MAPK10: variants seen among roughly 807,000 people sequenced by gnomAD.
MAPK10 encodes the protein JNK3 alpha protein kinase.
In MAPK10, 25 loss-of-function variants were observed where a neutral mutation model predicts 59.3. The ratio of observed to expected loss-of-function variants is 0.42; its 90% CI spans 0.31 to 0.59. MAPK10 has a LOEUF of 0.59. Among genes scored for constraint, MAPK10 ranks in the 20% least tolerant of loss-of-function variants. The pLI is 0.15. For missense variants in MAPK10, 351 were observed against 568.9 expected (o/e 0.62, Z 3.90); for synonymous variants, 190 against 200.5 (o/e 0.95, Z 0.44).
intron 4 of MAPK10, among the ~76,000 whole-genome samples, chr4:86,137,328 A>C (rs1358686856): frequency 2.0e-5 from 3 of 150,162 alleles, no homozygotes; most frequent in African/African-American, 7.5e-5. Context: ...AATTATAACA[A>C]ACTATCTCTC....
chr4:86,105,986 G>C (rs1470075615), intron 5 of MAPK10, among the ~76,000 whole-genome samples: 1 of 152,046 alleles, frequency 6.6e-6, no homozygotes, highest in Non-Finnish European at 1.5e-5. Flanking sequence ...CTGTCTTATT[G>C]TGGATCGCCT....
chr4:86,180,363 G>A (rs1404474813), intron 3 of MAPK10, among the ~76,000 whole-genome samples: 2 of 151,680 alleles, frequency 1.3e-5, no homozygotes, highest in Non-Finnish European at 2.9e-5. Context: ...AGAAAAGGAA[G>A]CTCTTATACA....
intron 1 of MAPK10, among the ~76,000 whole-genome samples, chr4:86,551,283 G>A (rs1336955908): frequency 1.3e-5 from 2 of 152,192 alleles, no homozygotes; most frequent in Non-Finnish European, 2.9e-5. Flanking sequence ...GCTGAATGCA[G>A]TAATGTCAAG....
chr4:86,427,534 A>G (rs1483020310), intron 1 of MAPK10, among the ~76,000 whole-genome samples: 2 of 152,184 alleles, frequency 1.3e-5, no homozygotes, highest in African/African-American at 4.8e-5. Flanking sequence ...CATAGGACCT[A>G]AGTTCTATCC....
At chr4:86,478,823 G>A (rs1753336209) in intron 1 of MAPK10, among the ~76,000 whole-genome samples, 1 of 152,150 alleles carries the variant, frequency 6.6e-6, no homozygotes, top group African/African-American at 2.4e-5. Context: ...GCAAAGGCAG[G>A]CCATGCTATA....
At chr4:86,155,050 G>A (rs766967193) in intron 4 of MAPK10, among the ~76,000 whole-genome samples, 35 of 152,086 alleles carry the variant, frequency 2.3e-4, no homozygotes, top group Admixed American at 1.7e-3. Flanking sequence ...GTGGATGGAT[G>A]TTATTAGTTC....
chr4:86,531,974 A>C (rs945972693), intron 1 of MAPK10, among the ~76,000 whole-genome samples: 4 of 151,832 alleles, frequency 2.6e-5, no homozygotes, highest in African/African-American at 9.7e-5. Flanking sequence ...GGATTGCTTG[A>C]GACCAGGAGT....
chr4:86,462,565 C>T (rs543858351), intron 1 of MAPK10, among the ~76,000 whole-genome samples: 1 of 152,246 alleles, frequency 6.6e-6, no homozygotes, highest in East Asian at 1.9e-4. Flanking sequence ...CTCTACAGCA[C>T]CAGCCGTCCA....
intron 1 of MAPK10, among the ~76,000 whole-genome samples, chr4:86,429,405 T>C (rs1377717150): frequency 1.3e-5 from 2 of 152,106 alleles, no homozygotes; most frequent in Admixed American, 6.6e-5. Flanking sequence ...CTAATATTAT[T>C]AAAAAAGATT....
At chr4:86,061,630 T>C (rs1438252506) in intron 11 of MAPK10, among the ~76,000 whole-genome samples, 1 of 152,186 alleles carries the variant, frequency 6.6e-6, no homozygotes, top group Non-Finnish European at 1.5e-5. Flanking sequence ...AACTAATAGC[T>C]TAGCACACAT....
chr4:86,339,658 A>C (rs539117150), intron 2 of MAPK10, among the ~76,000 whole-genome samples: 2 of 152,244 alleles, frequency 1.3e-5, no homozygotes, highest in East Asian at 3.9e-4. Context: ...ATGTTGCTTA[A>C]CTTCTCTGTG....
At chr4:86,421,990 C>T (rs533288980) in intron 1 of MAPK10, among the ~76,000 whole-genome samples, 12 of 152,290 alleles carry the variant, frequency 7.9e-5, no homozygotes, top group African/African-American at 2.4e-4. Flanking sequence ...AGGCCTTTCA[C>T]GTGATTTCCC....
intron 1 of MAPK10, among the ~76,000 whole-genome samples, chr4:86,512,967 AC>A (rs986047745): frequency 2.6e-4 from 39 of 152,288 alleles, no homozygotes; most frequent in Middle Eastern, 6.8e-3. Context: ...CTTAATGCCC[AC>A]CTTTTTCACT....
chr4:86,194,096 A>G, intron 3 of MAPK10: 1 of 482,502 alleles, frequency 2.1e-6, no homozygotes, highest in Non-Finnish European at 3.7e-6. Context: ...AACCTTTCCC[A>G]GTGAGATGAA....
At chr4:86,200,883 T>A (rs977722056) in intron 2 of MAPK10, among the ~76,000 whole-genome samples, 7 of 151,892 alleles carry the variant, frequency 4.6e-5, no homozygotes, top group Non-Finnish European at 1.0e-4. Context: ...CTTTTAGTTA[T>A]TTTAAAATAT....
intron 1 of MAPK10, among the ~76,000 whole-genome samples, chr4:86,486,024 C>A (rs1393410337): frequency 6.6e-6 from 1 of 152,186 alleles, no homozygotes; most frequent in Non-Finnish European, 1.5e-5. Context: ...CCCAGGCCAA[C>A]TAATATGGTA....
At chr4:86,580,200 C>A (rs758092246) in intron 1 of MAPK10, among the ~76,000 whole-genome samples, 8 of 152,076 alleles carry the variant, frequency 5.3e-5, no homozygotes, top group Non-Finnish European at 8.8e-5. Context: ...AGACTAAATA[C>A]CCTTTGTATA....
At chr4:86,212,139 A>G (rs76517977) in intron 2 of MAPK10, among the ~76,000 whole-genome samples, 12,907 of 152,120 alleles carry the variant, frequency 0.085, 1,215 homozygotes, top group African/African-American at 0.23. Flanking sequence ...CTATCAAAAG[A>G]CAGATGGGCA....
At chr4:86,547,052 AAAAC>A (rs1759247258) in intron 1 of MAPK10, among the ~76,000 whole-genome samples, 1 of 152,324 alleles carries the variant, frequency 6.6e-6, no homozygotes, top group African/African-American at 2.4e-5. Flanking sequence ...ACTCCGTCTA[AAAAC>A]AAACAAAAAA....
Sources: gnomAD v4.1 joint callset for allele counts (sites outside exome capture counted in the v4.1 genomes callset) on GRCh38, gnomAD v4.1.1 for gene constraint, MANE v1.5 for transcripts, NCBI Gene and HGNC (gene_info 2026-07-23, HGNC 2026-07-21) for gene names.